PRKDC: variants seen among roughly 807,000 people sequenced by gnomAD.
PRKDC encodes the protein protein kinase, DNA-activated, catalytic subunit, also known as DNA-dependent protein kinase catalytic subunit.
In PRKDC, 82 loss-of-function variants were observed where a neutral mutation model predicts 486.9. The observed-to-expected ratio is 0.17, with a 90% CI of 0.14 to 0.20. The LOEUF is 0.20. PRKDC is among the 10% of genes least tolerant of loss of function. The pLI, the probability that PRKDC is intolerant of heterozygous loss-of-function variation, is 1.00. For missense variants in PRKDC, 4,504 were observed against 5,038.2 expected, an observed-to-expected ratio of 0.89 and a Z score of 3.21; for synonymous variants, 1,895 against 1,837.0, an observed-to-expected ratio of 1.03 and a Z score of -0.81.
Position 47,950,804 on chromosome 8 carries a change from G to A in PRKDC, c.721+2816C>T, listed in dbSNP as rs563098968. On this transcript the variant is annotated intron_variant, in intron 7 of 85. Transcript: ENST00000314191. The stretch of plus-strand genomic sequence containing the variant: ...TCAATACCAGCCTGGGCAACACAGC[G>A]AGACTCCATCTCTGCAAAATATAAA... Among the ~76,000 whole-genome samples the A allele has an allele frequency of 5.9e-4, 89 of 151,666 alleles. 1 individual carries two copies. The highest frequency in any genetic ancestry group is 1.9e-3 in the African/African-American group (79 of 41,338).
At chr8:47,844,126 C>T (rs2088214884) in intron 54 of PRKDC, among the ~76,000 whole-genome samples, 1 of 152,198 alleles carries the variant, frequency 6.6e-6, no homozygotes, top group Admixed American at 6.5e-5. Flanking sequence ...AAATAAAACT[C>T]AACTATCTTC....
At chr8:47,867,541 T>G (rs1239302051) in intron 40 of PRKDC, among the ~76,000 whole-genome samples, 1 of 152,258 alleles carries the variant, frequency 6.6e-6, no homozygotes, top group Non-Finnish European at 1.5e-5. Context: ...TTCATCTAGC[T>G]GTCATTATTC....
At chr8:47,948,831 CAAAA>C (rs1589814603) in intron 7 of PRKDC, among the ~76,000 whole-genome samples, 1 of 152,212 alleles carries the variant, frequency 6.6e-6, no homozygotes, top group East Asian at 1.9e-4. Flanking sequence ...CATGGCATCA[CAAAA>C]AAAGTATAAA....
chr8:47,823,128 G>C (rs2087643980), intron 64 of PRKDC, among the ~76,000 whole-genome samples: 1 of 151,956 alleles, frequency 6.6e-6, no homozygotes, highest in South Asian at 2.1e-4. Context: ...GAGCTCAGGA[G>C]TTCCCAACCA....
intron 36 of PRKDC, among the ~76,000 whole-genome samples, chr8:47,883,572 T>A (rs1359593826): frequency 1.3e-5 from 2 of 152,222 alleles, no homozygotes; most frequent in Non-Finnish European, 2.9e-5. Flanking sequence ...CCTAGTCTCC[T>A]CCTCTTTTCT....
chr8:47,937,505 C>G (rs1004758653), intron 11 of PRKDC, among the ~76,000 whole-genome samples: 3 of 152,260 alleles, frequency 2.0e-5, no homozygotes, highest in Non-Finnish European at 4.4e-5. Flanking sequence ...CACACCCTAC[C>G]ACACCAGAGC....
chr8:47,888,616 G>A lies in PRKDC; in HGVS notation c.4315C>T (p.Pro1439Ser), dbSNP rs1218647913. Residue 1439 changes from proline to serine, a missense_variant, in exon 34 of 86, where the codon CCT becomes TCT. Coordinates refer to ENST00000314191, the MANE Select transcript of PRKDC (RefSeq NM_006904.7). ...EELCAVNLYG[P>S]DAQVDRSRLA... ...CTGCTCCTGTCCACTTGCGCGTCAG[G>A]GCCATACAAGTTGACGGCACAAAGC... 4 of 1,594,270 alleles carry A rather than the reference G, an allele frequency of 2.5e-6. No homozygotes were observed. Among genetic ancestry groups the A allele is most frequent in the East Asian group, 2.3e-5 (1 of 44,268 alleles).
intron 60 of PRKDC, among the ~76,000 whole-genome samples, chr8:47,831,599 C>A (rs537455187): frequency 2.4e-4 from 36 of 152,098 alleles, no homozygotes; most frequent in African/African-American, 8.2e-4. Flanking sequence ...CACTTCCACC[C>A]GCGGAGAGAA....
At chr8:47,914,517 C>T (rs935054723) in intron 23 of PRKDC, among the ~76,000 whole-genome samples, 3 of 152,028 alleles carry the variant, frequency 2.0e-5, no homozygotes, top group Non-Finnish European at 2.9e-5. Flanking sequence ...TGGCCAGGCA[C>T]AGTGGGGCAT....
intron 74 of PRKDC, among the ~76,000 whole-genome samples, chr8:47,792,711 C>T (rs1371347247): frequency 6.6e-6 from 1 of 152,044 alleles, no homozygotes; most frequent in Non-Finnish European, 1.5e-5. Flanking sequence ...ATCAAAATAT[C>T]CCATGTACCC....
chr8:47,807,082 A>C, intron 69 of PRKDC, 55 bp downstream of exon 69: 1 of 1,517,940 alleles, frequency 6.6e-7, no homozygotes, highest in Non-Finnish European at 8.9e-7. Context: ...ATTAGAGAAA[A>C]GCTAATTTAG....
At chr8:47,845,543 G>A (rs1252584428) in intron 54 of PRKDC, among the ~76,000 whole-genome samples, 2 of 151,828 alleles carry the variant, frequency 1.3e-5, no homozygotes, top group African/African-American at 4.8e-5. Flanking sequence ...GAAACCTAGA[G>A]GAAATAGATA....
rs1332749540 is a variant in PRKDC, at chr8:47,874,584, CCT to C, written c.5363+3138_5363+3139del. 2.6e-5 allele frequency among the ~76,000 whole-genome samples: 4 copies of C among 152,140 alleles called. No homozygotes were observed. The East Asian group carries it at 5.8e-4, about 22-fold the overall frequency. On this transcript the variant is annotated intron_variant, in intron 40 of 85. Transcript: ENST00000314191. ...ACCAGCCTGGGCAACACGGCGAAACCCTGTGTCTACTAAAAATACAAAGAATT... is the reference window on the plus strand; with the variant it reads ...ACCAGCCTGGGCAACACGGCGAAACCGTGTCTACTAAAAATACAAAGAATT...
Position 47,893,308 on chromosome 8 carries a change from C to G in PRKDC, c.3678G>C (p.Gly1226=), listed in dbSNP as rs775949883. 4 of 1,607,434 alleles carry G rather than the reference C, an allele frequency of 2.5e-6. No homozygotes were observed. The highest frequency in any genetic ancestry group is 3.4e-6 in the Non-Finnish European group (4 of 1,175,668). ...GVSFLINTFE[G]GGCGQPSGIL... is the part of the protein sequence containing the mutation. Reference sequence around the variant, plus strand: ...TGCCCGAGGGCTGGCCACAGCCACCCCCCTCAAAGGTGTTGATGAGAAAAG... The same window carrying G: ...TGCCCGAGGGCTGGCCACAGCCACCGCCCTCAAAGGTGTTGATGAGAAAAG... Residue 1226 remains glycine, a synonymous_variant, in exon 31 of 86, where the codon GGG becomes GGC. Transcript: ENST00000314191.
intron 68 of PRKDC, among the ~76,000 whole-genome samples, chr8:47,810,986 A>G (rs2087315219): frequency 1.3e-5 from 2 of 152,218 alleles, no homozygotes; most frequent in South Asian, 4.1e-4. Flanking sequence ...CCACAAAGAG[A>G]CCAAGAGAAA....
At chr8:47,956,787 GC>G (rs2090709787) in intron 3 of PRKDC, among the ~76,000 whole-genome samples, 1 of 149,082 alleles carries the variant, frequency 6.7e-6, no homozygotes. Context: ...TGCTCTTGTC[GC>G]CCAGGCTGCA....
At chr8:47,956,630 G>A (rs1464967851) in intron 3 of PRKDC, among the ~76,000 whole-genome samples, 1 of 151,654 alleles carries the variant, frequency 6.6e-6, no homozygotes, top group East Asian at 1.9e-4. Flanking sequence ...CTGAGCCCAC[G>A]AGATGGAGGC....
chr8:47,807,485 C>G (rs529931960), intron 68 of PRKDC, among the ~76,000 whole-genome samples, 159 bp from the exon 69 acceptor site: 1 of 152,190 alleles, frequency 6.6e-6, no homozygotes, highest in East Asian at 1.9e-4. Flanking sequence ...GTGGCACCAT[C>G]TAGGCTCACG....
chr8:47,942,744 G>A (rs1340905256), intron 10 of PRKDC, among the ~76,000 whole-genome samples: 4 of 152,194 alleles, frequency 2.6e-5, no homozygotes, highest in Non-Finnish European at 4.4e-5. Context: ...CAGCCGACCA[G>A]ACAAGCTTCC....
Sources: gnomAD v4.1 joint callset for allele counts (sites outside exome capture counted in the v4.1 genomes callset) on GRCh38, gnomAD v4.1.1 for gene constraint, MANE v1.5 for transcripts, NCBI Gene and HGNC (gene_info 2026-07-23, HGNC 2026-07-21) for gene names.